The following PCDH11X variants were observed in gnomAD, a reference collection of about 807,000 sequenced individuals.
The protein encoded by PCDH11X is protocadherin-11 X-linked.
Under a neutral mutation model 53.3 loss-of-function variants are expected in PCDH11X, and 18 were observed. The observed-to-expected ratio is 0.34, with a 90% CI of 0.23 to 0.50. PCDH11X has a LOEUF of 0.50. Among genes scored for constraint, PCDH11X ranks in the 20% least tolerant of loss-of-function variants. PCDH11X has a pLI of 0.98. For missense variants in PCDH11X, 570 were observed against 1,032.4 expected (o/e 0.55, Z 6.14); for synonymous variants, 279 against 393.3 (o/e 0.71, Z 3.44).
At chrX:91,803,374 A>G (rs150120668) in intron 1 of PCDH11X, among the ~76,000 whole-genome samples, 1,185 of 110,584 alleles carry the variant, frequency 0.011, 19 homozygotes, top group African/African-American at 0.037. Flanking sequence ...TTTTTTTTCT[A>G]AACTCGGATT....
chrX:92,258,367 C>CTT (rs199563708), intron 7 of PCDH11X, among the ~76,000 whole-genome samples: 75 of 89,741 alleles, frequency 8.4e-4, no homozygotes, highest in Middle Eastern at 5.7e-3. Context: ...ATGCAAATTT[C>CTT]TTTTTTTTTT....
intron 10 of PCDH11X, among the ~76,000 whole-genome samples, chrX:92,612,204 C>T (rs1927469901): frequency 9.1e-6 from 1 of 110,493 alleles, no homozygotes; most frequent in African/African-American, 3.3e-5. Flanking sequence ...TACAATTTGG[C>T]TCTGAATCCA....
chrX:92,592,336 A>G (rs1925115137), intron 10 of PCDH11X, among the ~76,000 whole-genome samples: 1 of 104,101 alleles, frequency 9.6e-6, no homozygotes, highest in Admixed American at 1.1e-4. Context: ...TAGATCTTGT[A>G]AAAATCACTT....
chrX:91,916,457 C>T (rs1941568217), intron 6 of PCDH11X, among the ~76,000 whole-genome samples: 1 of 111,244 alleles, frequency 9.0e-6, no homozygotes, highest in Non-Finnish European at 1.9e-5. Flanking sequence ...AGAGAAGATC[C>T]AAATAAGCTC....
At chrX:92,574,845 A>G (rs113782439) in intron 10 of PCDH11X, among the ~76,000 whole-genome samples, 5,407 of 110,775 alleles carry the variant, frequency 0.049, 325 homozygotes, top group African/African-American at 0.17. Flanking sequence ...TTTGAAGATT[A>G]CAAAAAATAC....
At chrX:92,427,203 C>T (rs1336302082) in intron 9 of PCDH11X, among the ~76,000 whole-genome samples, 3 of 109,655 alleles carry the variant, frequency 2.7e-5, no homozygotes, top group African/African-American at 1.0e-4. Context: ...TATTTACCTT[C>T]ATGCCTATGC....
At chrX:92,003,997 C>T (rs1216578096) in intron 6 of PCDH11X, among the ~76,000 whole-genome samples, 1 of 107,183 alleles carries the variant, frequency 9.3e-6, no homozygotes, top group African/African-American at 3.4e-5. Context: ...GAAGATTTTC[C>T]TCTTTTTGGA....
intron 6 of PCDH11X, among the ~76,000 whole-genome samples, chrX:92,175,048 T>C (rs962832226): frequency 1.3e-4 from 14 of 110,840 alleles, no homozygotes; most frequent in African/African-American, 4.6e-4. Flanking sequence ...CCATCTTGGC[T>C]CGCCACAACC....
At chrX:91,829,486 T>G (rs1342046824) in intron 4 of PCDH11X, among the ~76,000 whole-genome samples, 7 of 107,920 alleles carry the variant, frequency 6.5e-5, no homozygotes, top group Non-Finnish European at 1.3e-4. Context: ...TGTTAACAAA[T>G]GACTAAAATT....
intron 6 of PCDH11X, among the ~76,000 whole-genome samples, chrX:92,012,304 A>G (rs1305581414): frequency 3.7e-5 from 4 of 108,716 alleles, no homozygotes; most frequent in African/African-American, 6.7e-5. Context: ...ACCTCTTACT[A>G]GATAAATTCC....
At chrX:92,015,609 A>G (rs2062779184) in intron 6 of PCDH11X, among the ~76,000 whole-genome samples, 1 of 112,218 alleles carries the variant, frequency 8.9e-6, no homozygotes, top group South Asian at 3.7e-4. Flanking sequence ...ATCATTCATA[A>G]GAAGCAACTT....
intron 10 of PCDH11X, among the ~76,000 whole-genome samples, chrX:92,568,747 CAA>C (rs375078287): frequency 9.3e-6 from 1 of 107,796 alleles, no homozygotes; most frequent in African/African-American, 3.4e-5. Context: ...CACAATTATG[CAA>C]AAAAAATTAT....
intron 8 of PCDH11X, among the ~76,000 whole-genome samples, chrX:92,300,161 C>A (rs748184468): frequency 9.1e-6 from 1 of 109,299 alleles, no homozygotes; most frequent in African/African-American, 3.3e-5. Context: ...GCACTGTGGT[C>A]CGAGAGTGTG....
chrX:91,970,232 A>G (rs1046173422), intron 6 of PCDH11X, among the ~76,000 whole-genome samples: 1 of 111,367 alleles, frequency 9.0e-6, no homozygotes, highest in Non-Finnish European at 1.9e-5. Context: ...TGAAAGAACA[A>G]AGCTTCCACC....
intron 9 of PCDH11X, chrX:92,460,211 A>C: frequency 1.1e-6 from 1 of 914,550 alleles, no homozygotes; most frequent in Non-Finnish European, 1.6e-6. Context: ...AACGACATCC[A>C]TGGGCTCCGC....
intron 1 of PCDH11X, among the ~76,000 whole-genome samples, chrX:91,783,243 A>G (rs1210031787): frequency 1.8e-5 from 2 of 111,468 alleles, no homozygotes; most frequent in Non-Finnish European, 3.8e-5. Flanking sequence ...AGGAATGGGA[A>G]AGAAACTCCG....
At chrX:91,827,476 A>G (rs1177222665) in intron 4 of PCDH11X, among the ~76,000 whole-genome samples, 1 of 110,477 alleles carries the variant, frequency 9.1e-6, no homozygotes, top group Non-Finnish European at 1.9e-5. Context: ...CCCATTTGTC[A>G]ATTTTGCTTT....
At position 92,214,791 on chromosome X, in the gene PCDH11X, G is replaced by C. The variant is rs988721490; in HGVS notation, c.3114+13336G>C. 6.3e-5 allele frequency among the ~76,000 whole-genome samples: 7 copies of C among 111,805 alleles called. 1 individual carries two copies. Among genetic ancestry groups the C allele is most frequent in the Non-Finnish European group, 5.6e-5 (3 of 53,204 alleles). On this transcript the variant is annotated intron_variant, in intron 7 of 10. Coordinates refer to ENST00000682573, the MANE Select transcript of PCDH11X (RefSeq NM_032968.5). ...AGGCCAGGCGTGGTGAATCACACCT[G>C]TAATCTCAGCAATTTGGGAAGCCGT...
At chrX:91,973,464 AAAG>A (rs1471204302) in intron 6 of PCDH11X, among the ~76,000 whole-genome samples, 4 of 108,866 alleles carry the variant, frequency 3.7e-5, no homozygotes, top group African/African-American at 1.3e-4. Context: ...AAAAAAAAAA[AAAG>A]AAAATTGCTG....
Sources: gnomAD v4.1 joint callset for allele counts (sites outside exome capture counted in the v4.1 genomes callset) on GRCh38, gnomAD v4.1.1 for gene constraint, MANE v1.5 for transcripts, NCBI Gene and HGNC (gene_info 2026-07-23, HGNC 2026-07-21) for gene names.